EEFSEC: variants seen among roughly 807,000 people sequenced by gnomAD.
EEFSEC encodes the protein selenocysteine-specific elongation factor.
A neutral mutation model predicts 42.1 loss-of-function variants in EEFSEC; 43 were observed. That is an observed-to-expected ratio of 1.02 (90% CI 0.80 to 1.32). EEFSEC has a LOEUF of 1.32. EEFSEC is among the 40% of genes most tolerant of loss of function. The pLI is 0.00. For synonymous variants in EEFSEC, 354 were observed against 339.1 expected, an observed-to-expected ratio of 1.04 and a Z score of -0.48; for missense variants, 745 against 803.6, an observed-to-expected ratio of 0.93 and a Z score of 0.88.
rs893953752 is a variant in EEFSEC at position 128,317,825 on chromosome 3, C to T, written c.787-23408C>T. Among the ~76,000 whole-genome samples the T allele has an allele frequency of 6.6e-6, 1 of 152,260 alleles. No individual in the cohort carries two copies. The highest frequency in any genetic ancestry group is 6.5e-5 in the Admixed American group (1 of 15,290). ...CTTCTGCTCCAGCTGCTCCGTCCATCCACAGGCCTGGCACAGATGTCCCCT... is the reference window on the plus strand; with the variant it reads ...CTTCTGCTCCAGCTGCTCCGTCCATTCACAGGCCTGGCACAGATGTCCCCT... On this transcript the variant is annotated intron_variant, in intron 4 of 6. Coordinates refer to ENST00000254730, the MANE Select transcript of EEFSEC (RefSeq NM_021937.5). The surrounding 1 kb of genome is among the most constrained non-coding windows in gnomAD (Gnocchi z 4.1).
chr3:128,199,459 A>G (rs1337786947), intron 1 of EEFSEC, among the ~76,000 whole-genome samples: 1 of 152,166 alleles, frequency 6.6e-6, no homozygotes, highest in East Asian at 1.9e-4. Flanking sequence ...TCTGCTTAGC[A>G]ATGTCTTGGA....
At chr3:128,237,869 C>G (rs139438688) in intron 1 of EEFSEC, among the ~76,000 whole-genome samples, 12 of 152,262 alleles carry the variant, frequency 7.9e-5, no homozygotes, top group African/African-American at 2.9e-4. Flanking sequence ...AGGACTGTGC[C>G]TCAGGTTGTG....
chr3:128,251,502 T>C (rs2066186521), intron 2 of EEFSEC, among the ~76,000 whole-genome samples: 1 of 152,240 alleles, frequency 6.6e-6, no homozygotes, highest in Non-Finnish European at 1.5e-5. Flanking sequence ...AGTGTTTTAG[T>C]AGAAATGGTA....
chr3:128,362,253 C>A (rs373029589), intron 6 of EEFSEC: 184 of 518,582 alleles, frequency 3.5e-4, no homozygotes, highest in Non-Finnish European at 4.0e-4. Context: ...GCGGGTGGGA[C>A]AACAGCTTCC....
the EEFSEC span, among the ~76,000 whole-genome samples, chr3:128,414,168 GA>G: frequency 6.6e-6 from 1 of 152,224 alleles, no homozygotes; most frequent in Non-Finnish European, 1.5e-5. Flanking sequence ...GCCCTAGAGT[GA>G]TGTCTATCTG....
intron 4 of EEFSEC, among the ~76,000 whole-genome samples, chr3:128,315,661 G>A (rs940414736): frequency 1.3e-5 from 2 of 152,210 alleles, no homozygotes; most frequent in African/African-American, 4.8e-5. Flanking sequence ...CCTTGGGCTT[G>A]AAGTCCCTGC....
intron 4 of EEFSEC, among the ~76,000 whole-genome samples, chr3:128,319,605 C>T (rs2108035260): frequency 6.6e-6 from 1 of 152,332 alleles, no homozygotes; most frequent in East Asian, 1.9e-4. Context: ...CGCCTTCTGC[C>T]TCCTAGGAGA....
At chr3:128,362,333 A>T (rs1012087911) in intron 6 of EEFSEC, 2 of 470,636 alleles carry the variant, frequency 4.2e-6, no homozygotes, top group Non-Finnish European at 8.8e-6. Flanking sequence ...GAGAAGAATC[A>T]TGTGAGAAGC....
At chr3:128,298,942 A>G (rs2066737673) in intron 4 of EEFSEC, among the ~76,000 whole-genome samples, 2 of 152,222 alleles carry the variant, frequency 1.3e-5, no homozygotes, top group South Asian at 4.1e-4. Context: ...GAGTACATAT[A>G]GCACATTTTC....
intron 6 of EEFSEC, among the ~76,000 whole-genome samples, chr3:128,369,662 T>C (rs2107603413): frequency 6.6e-6 from 1 of 152,368 alleles, no homozygotes; most frequent in East Asian, 1.9e-4. Flanking sequence ...GCTAGAATGC[T>C]ACCCTTTCTG....
At chr3:128,228,200 A>G (rs566126630) in intron 1 of EEFSEC, among the ~76,000 whole-genome samples, 2 of 152,286 alleles carry the variant, frequency 1.3e-5, no homozygotes, top group East Asian at 3.9e-4. Flanking sequence ...AAGGTGGCCC[A>G]GGTCCCTGTC....
downstream of EEFSEC, among the ~76,000 whole-genome samples, chr3:128,411,567 A>G (rs1280072092): frequency 6.6e-6 from 1 of 152,196 alleles, no homozygotes; most frequent in Non-Finnish European, 1.5e-5. Context: ...ATGGGGCAGC[A>G]GTGCCCTGGG....
intron 1 of EEFSEC, among the ~76,000 whole-genome samples, chr3:128,227,700 T>A (rs1292639394): frequency 6.6e-6 from 1 of 152,148 alleles, no homozygotes; most frequent in Non-Finnish European, 1.5e-5. Context: ...CGGGGGTGAA[T>A]TGAGCCCGAG....
chr3:128,182,440 A>G (rs1164756141), intron 1 of EEFSEC, among the ~76,000 whole-genome samples: 1 of 152,206 alleles, frequency 6.6e-6, no homozygotes, highest in Non-Finnish European at 1.5e-5. Flanking sequence ...ATATGCAGAG[A>G]AAAGTATGCC....
At chr3:128,304,702 AT>A (rs1376181643) in intron 4 of EEFSEC, among the ~76,000 whole-genome samples, 285 of 142,752 alleles carry the variant, frequency 2.0e-3, no homozygotes, top group Admixed American at 2.2e-3. Context: ...GTTGTTTGTA[AT>A]TTTTTTTTTT....
chr3:128,186,827 T>G (rs954562617), intron 1 of EEFSEC, among the ~76,000 whole-genome samples: 1 of 152,162 alleles, frequency 6.6e-6, no homozygotes, highest in Non-Finnish European at 1.5e-5. Flanking sequence ...TCTGAAACAT[T>G]TTCCCCCAGC....
chr3:128,342,655 G>A (rs1235862267), intron 5 of EEFSEC, among the ~76,000 whole-genome samples: 1 of 152,248 alleles, frequency 6.6e-6, no homozygotes, highest in Non-Finnish European at 1.5e-5. Flanking sequence ...CCTTGGCCTT[G>A]TGCTTTCAGG....
At chr3:128,210,480 A>G (rs2065745033) in intron 1 of EEFSEC, among the ~76,000 whole-genome samples, 1 of 152,310 alleles carries the variant, frequency 6.6e-6, no homozygotes, top group East Asian at 1.9e-4. Flanking sequence ...TTCACCCCTC[A>G]CATCTAGGAT....
intron 1 of EEFSEC, among the ~76,000 whole-genome samples, chr3:128,213,746 A>G (rs1274749941): frequency 7.1e-6 from 1 of 140,388 alleles, no homozygotes; most frequent in Non-Finnish European, 1.5e-5. Flanking sequence ...AAAAAAATCA[A>G]ATAAGTAGTA....
Sources: gnomAD v4.1 joint callset for allele counts (sites outside exome capture counted in the v4.1 genomes callset) on GRCh38, gnomAD v4.1.1 for gene constraint, Gnocchi (gnomAD v3.1) non-coding constraint, MANE v1.5 for transcripts, NCBI Gene and HGNC (gene_info 2026-07-23, HGNC 2026-07-21) for gene names.